Variants in GRIN2A observed in about 807,000 individuals in gnomAD.
GRIN2A encodes glutamate receptor ionotropic, NMDA 2A.
GRIN2A carries 22 observed loss-of-function variants against 113.4 expected under a neutral mutation model. The observed-to-expected ratio is 0.19, with a 90% confidence interval of 0.14 to 0.28. GRIN2A has a LOEUF of 0.28. GRIN2A is among the 10% of genes least tolerant of loss of function. The probability of loss-of-function intolerance (pLI) is 1.00; values close to 1 mark genes in which losing one functional copy is unlikely to be tolerated. For synonymous variants in GRIN2A, 827 were observed against 738.4 expected (o/e 1.12, Z -1.94); for missense variants, 1,502 against 1,887.0 (o/e 0.80, Z 3.78).
chr16:9,850,645 G>A (rs1258069467), intron 4 of GRIN2A, among the ~76,000 whole-genome samples: 1 of 151,984 alleles, frequency 6.6e-6, no homozygotes, highest in Non-Finnish European at 1.5e-5. Flanking sequence ...GAGCAGGTGG[G>A]GAAATTAAAA....
chr16:9,987,657 A>C (rs956597652), intron 2 of GRIN2A, among the ~76,000 whole-genome samples: 1 of 152,220 alleles, frequency 6.6e-6, no homozygotes, highest in Non-Finnish European at 1.5e-5. Context: ...TATTTGGCTT[A>C]AATAAAAGCA....
intron 2 of GRIN2A, among the ~76,000 whole-genome samples, chr16:9,948,132 A>G (rs1026929061): frequency 2.6e-5 from 4 of 152,242 alleles, no homozygotes; most frequent in African/African-American, 7.2e-5. Context: ...TTAAACCTGA[A>G]TGTTCCGCTT....
intron 2 of GRIN2A, among the ~76,000 whole-genome samples, chr16:10,174,725 T>C (rs1056419372): frequency 2.0e-5 from 3 of 151,970 alleles, no homozygotes; most frequent in Non-Finnish European, 2.9e-5. Flanking sequence ...TAATAGACCA[T>C]CCATGCTGTT....
chr16:9,994,755 G>A (rs1011966889), intron 2 of GRIN2A, among the ~76,000 whole-genome samples: 17 of 152,282 alleles, frequency 1.1e-4, no homozygotes, highest in Middle Eastern at 3.4e-3. Flanking sequence ...AAAAACGTAA[G>A]GGAGAATTCT....
Position 9,755,070 on chromosome 16 carries a change from C to G in GRIN2A, c.*8079G>C. 1 of 199,310 alleles carries G rather than the reference C, an allele frequency of 5.0e-6. No homozygotes were observed. The allele number at this position is 199,310 out of a possible 1,614,324, so 12.3% of individuals were successfully genotyped here. A position where few individuals can be genotyped will look rare whatever the true frequency, so the allele number is the denominator to read the frequency against. On this transcript the variant is annotated 3_prime_UTR_variant, in exon 13 of 13. Coordinates refer to ENST00000330684, the MANE Select transcript of GRIN2A (RefSeq NM_001134407.3). ...AGAATTAACTGGAAGAGGTCATGACCCAGGGCTAATGAAGAATGTTCTAGG... is the reference window on the plus strand; with the variant it reads ...AGAATTAACTGGAAGAGGTCATGACGCAGGGCTAATGAAGAATGTTCTAGG...
chr16:9,828,047 G>C (rs760340922), intron 9 of GRIN2A, among the ~76,000 whole-genome samples: 6 of 152,092 alleles, frequency 3.9e-5, no homozygotes, highest in Non-Finnish European at 7.4e-5. Flanking sequence ...TATTACAGTA[G>C]CCAGGAAAGA....
chr16:10,125,484 C>T (rs1031434182), intron 2 of GRIN2A, among the ~76,000 whole-genome samples: 1 of 152,050 alleles, frequency 6.6e-6, no homozygotes, highest in African/African-American at 2.4e-5. Flanking sequence ...TAAGTAAATC[C>T]CTACTTAAAT....
chr16:10,063,020 T>C (rs1441921937), intron 2 of GRIN2A, among the ~76,000 whole-genome samples: 2 of 152,278 alleles, frequency 1.3e-5, no homozygotes, highest in South Asian at 2.1e-4. Context: ...TTGGCACATA[T>C]ATACCATGGA....
intron 2 of GRIN2A, among the ~76,000 whole-genome samples, chr16:10,073,948 C>T (rs540439668): frequency 9.4e-5 from 14 of 148,466 alleles, no homozygotes; most frequent in African/African-American, 3.0e-4. Flanking sequence ...AGTGAAAACA[C>T]GACACACAGA....
intron 2 of GRIN2A, among the ~76,000 whole-genome samples, chr16:10,043,752 A>G (rs2141965754): frequency 6.6e-6 from 1 of 151,966 alleles, no homozygotes; most frequent in South Asian, 2.1e-4. Flanking sequence ...CCTCCTTCTT[A>G]AGGTCAAACT....
intron 2 of GRIN2A, among the ~76,000 whole-genome samples, chr16:10,017,505 T>C (rs1377171896): frequency 6.6e-6 from 1 of 152,172 alleles, no homozygotes; most frequent in African/African-American, 2.4e-5. Flanking sequence ...TTTCGAGCTA[T>C]GTTAATTGCA....
At chr16:10,053,603 C>T (rs2047395364) in intron 2 of GRIN2A, among the ~76,000 whole-genome samples, 1 of 152,164 alleles carries the variant, frequency 6.6e-6, no homozygotes, top group East Asian at 1.9e-4. Flanking sequence ...GCAAATGTTG[C>T]ACTAAGGTGG....
intron 2 of GRIN2A, among the ~76,000 whole-genome samples, chr16:10,131,003 T>A (rs1309116524): frequency 6.6e-6 from 1 of 152,050 alleles, no homozygotes; most frequent in African/African-American, 2.4e-5. Flanking sequence ...AGGAGGCAAA[T>A]GAAATGGAAC....
chr16:10,106,280 G>T (rs1214407053), intron 2 of GRIN2A, among the ~76,000 whole-genome samples: 5 of 149,404 alleles, frequency 3.3e-5, no homozygotes, highest in Non-Finnish European at 5.9e-5. Context: ...AAGAAAAAGT[G>T]GTCTGGCACA....
At chr16:9,985,861 GA>G (rs1427661719) in intron 2 of GRIN2A, among the ~76,000 whole-genome samples, 1 of 152,138 alleles carries the variant, frequency 6.6e-6, no homozygotes, top group Non-Finnish European at 1.5e-5. Context: ...GTAACACAAA[GA>G]AAGGGTAAAT....
At chr16:10,169,851 G>C (rs1477565060) in intron 2 of GRIN2A, among the ~76,000 whole-genome samples, 1 of 152,130 alleles carries the variant, frequency 6.6e-6, no homozygotes, top group Admixed American at 6.5e-5. Flanking sequence ...TATAAATGTG[G>C]CCTCCACTTT....
At chr16:10,064,908 C>A (rs7192440) in intron 2 of GRIN2A, among the ~76,000 whole-genome samples, 2 of 152,150 alleles carry the variant, frequency 1.3e-5, no homozygotes, top group Non-Finnish European at 2.9e-5. Flanking sequence ...TTCATCCAAA[C>A]GGACGAATCC....
intron 4 of GRIN2A, among the ~76,000 whole-genome samples, chr16:9,874,626 C>T (rs1165191920): frequency 1.3e-5 from 2 of 152,300 alleles, no homozygotes; most frequent in East Asian, 1.9e-4. Flanking sequence ...ACTGTAGAAA[C>T]AAAATGGACT....
intron 3 of GRIN2A, among the ~76,000 whole-genome samples, chr16:9,927,463 A>T (rs2044490458): frequency 2.0e-5 from 3 of 152,226 alleles, no homozygotes; most frequent in Admixed American, 2.0e-4. Context: ...CACACTGCCC[A>T]AAAAGCAGAG....
Sources: gnomAD v4.1 joint callset for allele counts (sites outside exome capture counted in the v4.1 genomes callset) on GRCh38, gnomAD v4.1.1 for gene constraint, MANE v1.5 for transcripts, NCBI Gene and HGNC (gene_info 2026-07-23, HGNC 2026-07-21) for gene names.